TCHP: variants seen among roughly 807,000 people sequenced by gnomAD.
TCHP encodes the protein trichoplein keratin filament-binding protein.
A neutral mutation model predicts 88.7 loss-of-function variants in TCHP; 81 were observed. The ratio of observed to expected loss-of-function variants is 0.91; its 90% CI spans 0.76 to 1.10. The LOEUF (loss-of-function observed/expected upper bound fraction) is 1.10, where lower values mean the gene tolerates loss of function less well. TCHP is among the 50% of genes least tolerant of loss of function. The pLI, the probability that TCHP is intolerant of heterozygous loss-of-function variation, is 0.00. For missense variants in TCHP, 641 were observed against 632.1 expected, an observed-to-expected ratio of 1.01 and a Z score of -0.15; for synonymous variants, 232 against 232.5, an observed-to-expected ratio of 1.00 and a Z score of 0.02.
At chr12:109,913,205 C>A in intron 10 of TCHP, 133 bp downstream of exon 10, 4 of 769,466 alleles carry the variant, frequency 5.2e-6, no homozygotes, top group Admixed American at 2.6e-5. Flanking sequence ...CTTTAAAAAT[C>A]ATTGAAAAAG....
Position 109,900,394 on chromosome 12 carries a change from G to C in TCHP, c.-33G>C, listed in dbSNP as rs2136063480. ...CGTGCCTGCGGGAAGTCGGGCCGGG[G>C]GACTCTTCGGAAACTCCGAGCCTCA... is the stretch of plus-strand genomic sequence containing the variant. On this transcript the variant is annotated 5_prime_UTR_variant, in exon 1 of 13. Transcript: ENST00000405876. 1 of 152,366 alleles carries C rather than the reference G, an allele frequency of 6.6e-6. No homozygotes were observed. The highest frequency in any genetic ancestry group is 6.5e-5 in the Admixed American group (1 of 15,308). 9.4% of individuals were successfully genotyped at this position (152,366 alleles called of 1,614,324 possible).
Position 109,903,523 on chromosome 12 carries a change from G to A in TCHP, c.188+309G>A, listed in dbSNP as rs887204065. 1.3e-5 allele frequency among the ~76,000 whole-genome samples: 2 copies of A among 152,172 alleles called. No homozygotes were observed. Among genetic ancestry groups the A allele is most frequent in the Non-Finnish European group, 2.9e-5 (2 of 68,038 alleles). ...CATGCTGTTTCCCACTGGTATTTGTGCTTAAATATACACACACAAAGCTAC... is the reference window on the plus strand; with the variant it reads ...CATGCTGTTTCCCACTGGTATTTGTACTTAAATATACACACACAAAGCTAC... On this transcript the variant is annotated intron_variant, in intron 2 of 12. Transcript: ENST00000405876. The surrounding 1 kb of genome is among the most constrained non-coding windows in gnomAD (Gnocchi z 4.6).
At chr12:109,881,888 A>C in the TCHP span, among the ~76,000 whole-genome samples, 1 of 152,152 alleles carries the variant, frequency 6.6e-6, no homozygotes, top group Non-Finnish European at 1.5e-5. Flanking sequence ...TTCATTCCAG[A>C]ATAAACATTT....
intron 9 of TCHP, among the ~76,000 whole-genome samples, chr12:109,911,506 G>A (rs968227644): frequency 1.3e-5 from 2 of 151,516 alleles, no homozygotes; most frequent in Non-Finnish European, 1.5e-5. Flanking sequence ...CCAACTACTC[G>A]GGAGGCTAAG....
chr12:109,909,372 C>T (rs1194187545), intron 8 of TCHP, among the ~76,000 whole-genome samples: 1 of 152,214 alleles, frequency 6.6e-6, no homozygotes, highest in Non-Finnish European at 1.5e-5. Flanking sequence ...TTGACCAGCA[C>T]CTGCAATCTC....
intron 5 of TCHP, 87 bp from the exon 6 acceptor site, chr12:109,907,439 C>T: frequency 7.1e-7 from 1 of 1,407,432 alleles, no homozygotes; most frequent in Non-Finnish European, 9.8e-7. Flanking sequence ...TGCCTGGGCC[C>T]TGTGGCCTGC....
rs1027527158 is a variant in TCHP, at chr12:109,910,959, G to A, written c.880-104G>A. The stretch of plus-strand genomic sequence containing the variant: ...TCTTGAGAACACTGTGTAGAATCAC[G>A]AATGTCTATGTAGAAAGGAAAGGGA... On this transcript the variant is annotated intron_variant, in intron 8 of 12. Transcript: ENST00000405876. 8 of 1,398,130 alleles carry A rather than the reference G, an allele frequency of 5.7e-6. No individual in the cohort carries two copies. The South Asian group carries it at 8.0e-5, about 14-fold the overall frequency. 86.6% of individuals were successfully genotyped at this position (1,398,130 alleles called of 1,614,324 possible).
At chr12:109,915,359 T>C in intron 11 of TCHP, 44 bp from the exon 12 acceptor site, 1 of 1,613,708 alleles carries the variant, frequency 6.2e-7, no homozygotes, top group Non-Finnish European at 8.5e-7. Context: ...GGCTCTGCCC[T>C]GTGGGCCTTG....
chr12:109,886,353 G>T, the TCHP span, among the ~76,000 whole-genome samples: 1 of 152,092 alleles, frequency 6.6e-6, no homozygotes, highest in Non-Finnish European at 1.5e-5. Flanking sequence ...GGCCAGGCTG[G>T]TCTCGAACTC....
At chr12:109,909,312 A>G (rs1592910789) in intron 8 of TCHP, among the ~76,000 whole-genome samples, 1 of 152,218 alleles carries the variant, frequency 6.6e-6, no homozygotes, top group Non-Finnish European at 1.5e-5. Context: ...ATTATTTTTC[A>G]GTAACTGTGT....
At position 109,906,550 on chromosome 12, in the gene TCHP, A is replaced by G. The variant is rs781124842; in HGVS notation, c.457-22A>G. 4.3e-6 allele frequency: 7 copies of G among 1,612,314 alleles called. No homozygotes were observed. The East Asian group carries it at 1.3e-4, about 31-fold the overall frequency. On this transcript the variant is annotated intron_variant, in intron 4 of 12. Transcript: ENST00000405876. ...CCATCTGTCTGGTGAGGAAATTCACATCGTCCCCCTTCCATCCTCAGATGG... is the reference window on the plus strand; with the variant it reads ...CCATCTGTCTGGTGAGGAAATTCACGTCGTCCCCCTTCCATCCTCAGATGG...
At chr12:109,886,073 C>A in the TCHP span, among the ~76,000 whole-genome samples, 2 of 152,124 alleles carry the variant, frequency 1.3e-5, no homozygotes, top group Non-Finnish European at 2.9e-5. Context: ...ACTCATAAAA[C>A]CTTCCATTTA....
upstream of TCHP, among the ~76,000 whole-genome samples, chr12:109,898,491 T>A (rs1298203365): frequency 1.3e-5 from 2 of 152,232 alleles, no homozygotes; most frequent in Non-Finnish European, 2.9e-5. Context: ...ATTACAGGCA[T>A]GAGCCACCAG....
intron 3 of TCHP, 125 bp downstream of exon 3, chr12:109,904,272 C>G (rs544544312): frequency 2.4e-6 from 2 of 829,450 alleles, no homozygotes; most frequent in Non-Finnish European, 3.8e-6. Flanking sequence ...CCAGAGCCAG[C>G]AGGAAAAGAG....
chr12:109,885,868 C>T, the TCHP span, among the ~76,000 whole-genome samples: 1 of 151,898 alleles, frequency 6.6e-6, no homozygotes, highest in Non-Finnish European at 1.5e-5. Flanking sequence ...GCCTTGAACT[C>T]CTGAGCTCAA....
At chr12:109,901,701 A>T (rs915026387) in intron 1 of TCHP, among the ~76,000 whole-genome samples, 1 of 152,084 alleles carries the variant, frequency 6.6e-6, no homozygotes, top group African/African-American at 2.4e-5. Context: ...TTGTCTTTTA[A>T]TTGTTTCTCT....
rs1870226712 is a variant in TCHP, at chr12:109,907,702, G to C, written c.699+3G>C. 1 of 1,589,010 alleles carries C rather than the reference G, an allele frequency of 6.3e-7. No homozygotes were observed. Among genetic ancestry groups the C allele is most frequent in the African/African-American group, 1.3e-5 (1 of 74,260 alleles). On this transcript the variant is annotated splice_donor_region_variant and intron_variant, in intron 6 of 12. Coordinates refer to ENST00000405876, the MANE Select transcript of TCHP (RefSeq NM_001143852.2). ...AGCTGAAGCTGAAGGAGGTGGAGGT[G>C]GGCACAAGCCCCTCTCAGCCGTGAC...
the TCHP span, among the ~76,000 whole-genome samples, chr12:109,892,924 C>T: frequency 6.6e-6 from 1 of 152,160 alleles, no homozygotes; most frequent in Non-Finnish European, 1.5e-5. Flanking sequence ...CAGTTTCTGC[C>T]TCTACACACG....
chr12:109,915,101 G>C, intron 11 of TCHP: 1 of 501,868 alleles, frequency 2.0e-6, no homozygotes, highest in Non-Finnish European at 3.6e-6. Context: ...TTTCTACCAG[G>C]TACACACAAT....
Sources: gnomAD v4.1 joint callset for allele counts (sites outside exome capture counted in the v4.1 genomes callset) on GRCh38, gnomAD v4.1.1 for gene constraint, Gnocchi (gnomAD v3.1) non-coding constraint, MANE v1.5 for transcripts, NCBI Gene and HGNC (gene_info 2026-07-23, HGNC 2026-07-21) for gene names.